Variants in NUP160 observed in about 807,000 individuals in gnomAD.
NUP160 encodes nuclear pore complex protein Nup160.
NUP160 carries 94 observed loss-of-function variants against 196.9 expected under a neutral mutation model. The observed-to-expected ratio is 0.48, with a 90% CI of 0.40 to 0.57. The LOEUF (loss-of-function observed/expected upper bound fraction) is 0.57, where lower values mean the gene tolerates loss of function less well. Ranked by LOEUF, NUP160 falls within the 20% of genes least tolerant of loss-of-function variation. The probability of loss-of-function intolerance (pLI) is 0.00; values close to 1 mark genes in which losing one functional copy is unlikely to be tolerated. For synonymous variants in NUP160, 605 were observed against 619.7 expected (o/e 0.98, Z 0.35); for missense variants, 1,638 against 1,748.3 (o/e 0.94, Z 1.13).
intron 35 of NUP160, chr11:47,779,534 G>A (rs747876644): frequency 9.7e-6 from 5 of 517,392 alleles, no homozygotes; most frequent in Non-Finnish European, 1.9e-5. Flanking sequence ...GTGAAATATA[G>A]AACTAATATT....
chr11:47,845,639 T>C (rs1852387305), intron 2 of NUP160, among the ~76,000 whole-genome samples: 1 of 152,170 alleles, frequency 6.6e-6, no homozygotes, highest in South Asian at 2.1e-4. Flanking sequence ...CTTTGTTTTG[T>C]TCCCTGCTAT....
chr11:47,810,445 C>T (rs1183983486), intron 17 of NUP160, among the ~76,000 whole-genome samples: 2 of 152,112 alleles, frequency 1.3e-5, no homozygotes, highest in South Asian at 2.1e-4. Context: ...GCCACCTTGG[C>T]CTCCCAAAGT....
intron 2 of NUP160, among the ~76,000 whole-genome samples, chr11:47,842,294 A>G (rs1249235376): frequency 2.0e-5 from 3 of 152,052 alleles, no homozygotes; most frequent in Admixed American, 2.0e-4. Context: ...TCTACTCCCA[A>G]GGATGTAAGT....
chr11:47,835,807 C>T, exon 7 of NUP160: 2 of 1,575,328 alleles, frequency 1.3e-6, no homozygotes, highest in Non-Finnish European at 8.6e-7. Flanking sequence ...GGCACATTTG[C>T]TCCTGTCCAA....
intron 2 of NUP160, chr11:47,841,616 T>G: frequency 2.3e-6 from 1 of 429,026 alleles, no homozygotes; most frequent in Non-Finnish European, 4.7e-6. Flanking sequence ...AGGAAGGCCA[T>G]GTGATCCTGG....
chr11:47,798,521 C>T, intron 23 of NUP160, 58 bp from the exon 24 acceptor site: 1 of 957,476 alleles, frequency 1.0e-6, no homozygotes, highest in South Asian at 1.4e-5. Flanking sequence ...ACTTCAAACT[C>T]AATTATGGTT....
At chr11:47,779,168 C>T (rs754102772) in exon 36 of NUP160, 3 of 1,612,116 alleles carry the variant, frequency 1.9e-6, no homozygotes, top group Admixed American at 3.3e-5. Flanking sequence ...GGTAGTCCTC[C>T]AATTTGTCAA....
chr11:47,820,604 G>A (rs187322047), intron 9 of NUP160, among the ~76,000 whole-genome samples: 2 of 152,038 alleles, frequency 1.3e-5, no homozygotes, highest in East Asian at 3.9e-4. Context: ...CTAGGCTGGA[G>A]TGAATGGCAT....
intron 6 of NUP160, among the ~76,000 whole-genome samples, 158 bp from the exon 7 acceptor site, chr11:47,835,967 C>T (rs1852165160): frequency 6.6e-6 from 1 of 152,178 alleles, no homozygotes; most frequent in Non-Finnish European, 1.5e-5. Context: ...CTAACACAGG[C>T]CGGGCGCAGT....
At chr11:47,821,018 T>C (rs753080996) in intron 9 of NUP160, among the ~76,000 whole-genome samples, 20 of 152,120 alleles carry the variant, frequency 1.3e-4, no homozygotes, top group Non-Finnish European at 2.6e-4. Context: ...ACTGCACTTG[T>C]CCAATCTATT....
intron 4 of NUP160, 116 bp downstream of exon 4, chr11:47,839,727 A>T: frequency 5.9e-6 from 5 of 841,944 alleles, no homozygotes; most frequent in Non-Finnish European, 9.9e-6. Context: ...GCAATAATGA[A>T]TGACCAGTTC....
intron 2 of NUP160, chr11:47,841,403 G>A (rs1565211106): frequency 6.6e-6 from 3 of 455,520 alleles, no homozygotes; most frequent in South Asian, 2.4e-5. Context: ...CTGACCAACC[G>A]CTCAGAATTC....
chr11:47,815,722 G>T, intron 12 of NUP160, 73 bp from the exon 13 acceptor site: 1 of 1,304,422 alleles, frequency 7.7e-7, no homozygotes, highest in Non-Finnish European at 1.1e-6. Flanking sequence ...AAACATAATT[G>T]TCCAATATCA....
At chr11:47,784,261 G>A (rs1222131785) in intron 33 of NUP160, among the ~76,000 whole-genome samples, 2 of 152,164 alleles carry the variant, frequency 1.3e-5, no homozygotes, top group Admixed American at 6.6e-5. Context: ...TTTTGAAGAA[G>A]ACTGCCATCT....
intron 13 of NUP160, chr11:47,815,022 G>A (rs1443673281): frequency 6.6e-6 from 1 of 152,286 alleles, no homozygotes; most frequent in Non-Finnish European, 1.5e-5. Context: ...CCTAAGGACA[G>A]GAGTTCAAGA....
chr11:47,813,200 G>A, intron 14 of NUP160, 116 bp downstream of exon 14: 1 of 964,396 alleles, frequency 1.0e-6, no homozygotes, highest in Middle Eastern at 2.2e-4. Context: ...AATATTTGTG[G>A]TGTGGTAAAG....
rs185579578 is a variant in NUP160, at chr11:47,790,562, A to G, written c.3511+1368T>C. 1.1e-4 allele frequency among the ~76,000 whole-genome samples: 16 copies of G among 152,218 alleles called. 3 individuals are homozygous for G. The highest frequency in any genetic ancestry group is 3.9e-4 in the African/African-American group (16 of 41,546). On this transcript the variant is annotated intron_variant, in intron 29 of 35. Coordinates refer to ENST00000378460, the Ensembl canonical transcript of NUP160. ...AGGCATGAGCCACCGCACCTGGCCTATACTGTACTCTTAAAAGAAAATGTT... is the reference window on the plus strand; with the variant it reads ...AGGCATGAGCCACCGCACCTGGCCTGTACTGTACTCTTAAAAGAAAATGTT...
intron 2 of NUP160, among the ~76,000 whole-genome samples, chr11:47,842,307 C>G (rs1291725317): frequency 6.6e-6 from 1 of 152,124 alleles, no homozygotes; most frequent in Admixed American, 6.6e-5. Flanking sequence ...ATGTAAGTAC[C>G]TTTTCAGCGC....
intron 7 of NUP160, among the ~76,000 whole-genome samples, chr11:47,822,893 A>G (rs948246293): frequency 2.6e-5 from 4 of 152,228 alleles, no homozygotes; most frequent in East Asian, 1.9e-4. Context: ...TACAAAGGAC[A>G]TGAACTCATC....
Sources: gnomAD v4.1 joint callset for allele counts (sites outside exome capture counted in the v4.1 genomes callset) on GRCh38, gnomAD v4.1.1 for gene constraint, MANE v1.5 for transcripts, NCBI Gene and HGNC (gene_info 2026-07-23, HGNC 2026-07-21) for gene names.